FER: variants seen among roughly 807,000 people sequenced by gnomAD.
FER encodes the protein tyrosine-protein kinase Fer.
In FER, 63 loss-of-function variants were observed where a neutral mutation model predicts 111.0. The observed-to-expected ratio is 0.57, with a 90% CI of 0.46 to 0.70. The LOEUF (loss-of-function observed/expected upper bound fraction) is 0.70. FER is among the 30% of genes least tolerant of loss of function. The pLI is 0.00. For synonymous variants in FER, 327 were observed against 313.9 expected (o/e 1.04, Z -0.44); for missense variants, 914 against 954.0 (o/e 0.96, Z 0.55).
chr5:108,820,378 C>A, intron 3 of FER: 2 of 985,364 alleles, frequency 2.0e-6, no homozygotes, highest in Non-Finnish European at 2.4e-6. Context: ...AGGCGATTTA[C>A]TTCTGAAGAA....
At chr5:108,778,091 G>A (rs1258157904) in intron 2 of FER, among the ~76,000 whole-genome samples, 1 of 152,084 alleles carries the variant, frequency 6.6e-6, no homozygotes, top group Non-Finnish European at 1.5e-5. Context: ...CATTTAGTAA[G>A]GTGCATTTAA....
intron 17 of FER, among the ~76,000 whole-genome samples, chr5:109,132,319 A>G (rs915841715): frequency 2.6e-5 from 4 of 152,248 alleles, no homozygotes; most frequent in African/African-American, 9.6e-5. Context: ...TAAAATTAAA[A>G]TACAGCTAAG....
At chr5:109,181,797 C>G (rs1758319918) in intron 18 of FER, among the ~76,000 whole-genome samples, 1 of 152,146 alleles carries the variant, frequency 6.6e-6, no homozygotes, top group Non-Finnish European at 1.5e-5. Context: ...AGTGAACAAT[C>G]ATTGGCATTT....
intron 13 of FER, among the ~76,000 whole-genome samples, chr5:109,018,741 C>T (rs1767526472): frequency 6.6e-6 from 1 of 151,690 alleles, no homozygotes; most frequent in Non-Finnish European, 1.5e-5. Context: ...TTTCCCACAA[C>T]ATTGTTAAGA....
At chr5:109,027,251 A>G (rs1264419329) in intron 13 of FER, among the ~76,000 whole-genome samples, 2 of 152,210 alleles carry the variant, frequency 1.3e-5, no homozygotes, top group East Asian at 1.9e-4. Context: ...AACCTGCAAT[A>G]CATTGGCTCT....
At chr5:109,084,766 C>G (rs1192442170) in intron 16 of FER, among the ~76,000 whole-genome samples, 1 of 151,826 alleles carries the variant, frequency 6.6e-6, no homozygotes, top group Non-Finnish European at 1.5e-5. Flanking sequence ...AAACTAATTT[C>G]ACCTATGATG....
At chr5:109,147,794 T>TAGAG (rs774570522) in intron 17 of FER, among the ~76,000 whole-genome samples, 45 of 133,350 alleles carry the variant, frequency 3.4e-4, no homozygotes, top group African/African-American at 1.1e-3. Context: ...TATATATATA[T>TAGAG]ATATATAGAG....
intron 13 of FER, among the ~76,000 whole-genome samples, chr5:108,988,761 T>C (rs1378385858): frequency 6.6e-6 from 1 of 152,102 alleles, no homozygotes; most frequent in African/African-American, 2.4e-5. Flanking sequence ...ATCTTTGTTG[T>C]TGTTGGTTTT....
chr5:109,125,209 T>C (rs983763796), intron 17 of FER, among the ~76,000 whole-genome samples: 3 of 152,160 alleles, frequency 2.0e-5, no homozygotes, highest in African/African-American at 7.2e-5. Context: ...TTTCCTTTTA[T>C]ATACATACAT....
intron 17 of FER, among the ~76,000 whole-genome samples, chr5:109,180,076 AG>A (rs1404196435): frequency 6.6e-6 from 1 of 152,190 alleles, no homozygotes; most frequent in Non-Finnish European, 1.5e-5. Flanking sequence ...TGCCTCATTT[AG>A]GGAACTCGTC....
intron 16 of FER, among the ~76,000 whole-genome samples, chr5:109,059,297 CT>C (rs1409229063): frequency 6.6e-6 from 1 of 151,138 alleles, no homozygotes; most frequent in East Asian, 2.0e-4. Flanking sequence ...ACTTGGTTAG[CT>C]TTTAAGAATT....
At chr5:108,989,746 A>G (rs867967723) in intron 13 of FER, among the ~76,000 whole-genome samples, 87 of 152,124 alleles carry the variant, frequency 5.7e-4, no homozygotes, top group African/African-American at 2.0e-3. Flanking sequence ...TGCCCAAGAA[A>G]GCAATTAAAA....
Position 109,187,908 on chromosome 5 carries a change from C to G in FER, c.*333C>G, listed in dbSNP as rs1038510570. The G allele has an allele frequency of 1.4e-5, 4 of 285,682 alleles. No homozygotes were observed. Among genetic ancestry groups the G allele is most frequent in the African/African-American group, 6.8e-5 (3 of 44,140 alleles). 17.7% of individuals were successfully genotyped at this position (285,682 alleles called of 1,614,324 possible). On this transcript the variant is annotated 3_prime_UTR_variant, in exon 20 of 20. Coordinates refer to ENST00000281092, the MANE Select transcript of FER (RefSeq NM_005246.4). ...TCACACCTTGTTTCTACTTCAGGCA[C>G]AGTTTGTAGGCTGCCATCCTATGCC...
intron 17 of FER, among the ~76,000 whole-genome samples, chr5:109,159,657 C>T (rs927169987): frequency 1.3e-5 from 2 of 152,092 alleles, no homozygotes; most frequent in Non-Finnish European, 2.9e-5. Context: ...CAGTAGAATC[C>T]TCTTTCATAA....
At chr5:109,025,832 G>T (rs1001082934) in intron 13 of FER, among the ~76,000 whole-genome samples, 44 of 151,852 alleles carry the variant, frequency 2.9e-4, no homozygotes, top group Non-Finnish European at 4.4e-4. Flanking sequence ...TAGCATGAAG[G>T]GTTGTTGAAT....
intron 13 of FER, among the ~76,000 whole-genome samples, chr5:108,997,465 A>T (rs1485773338): frequency 2.0e-5 from 3 of 151,496 alleles, no homozygotes. Flanking sequence ...GGGGTTTTCC[A>T]AATATACACT....
At chr5:109,183,928 T>C (rs1318847594) in intron 18 of FER, among the ~76,000 whole-genome samples, 1 of 152,216 alleles carries the variant, frequency 6.6e-6, no homozygotes, top group African/African-American at 2.4e-5. Flanking sequence ...GAAAATACTC[T>C]TGATACAGTC....
At chr5:109,112,880 A>G (rs898262374) in intron 17 of FER, among the ~76,000 whole-genome samples, 1 of 152,140 alleles carries the variant, frequency 6.6e-6, no homozygotes, top group African/African-American at 2.4e-5. Flanking sequence ...TCTGCATCCT[A>G]CTGAAGAAGA....
chr5:108,959,661 A>G (rs1359447697), intron 13 of FER, among the ~76,000 whole-genome samples: 1 of 151,996 alleles, frequency 6.6e-6, no homozygotes, highest in African/African-American at 2.4e-5. Context: ...GGTTCAGGTT[A>G]TAACAGATTC....
Sources: gnomAD v4.1 joint callset for allele counts (sites outside exome capture counted in the v4.1 genomes callset) on GRCh38, gnomAD v4.1.1 for gene constraint, MANE v1.5 for transcripts, NCBI Gene and HGNC (gene_info 2026-07-23, HGNC 2026-07-21) for gene names.